SKOR2: variants seen among roughly 807,000 people sequenced by gnomAD.
SKOR2 encodes the protein SKI family transcriptional corepressor 2, also known as LBX1 corepressor 1-like protein.
SKOR2 carries 47 observed loss-of-function variants against 69.1 expected under a neutral mutation model. The observed-to-expected ratio is 0.68, with a 90% CI of 0.54 to 0.87. The LOEUF is 0.87. SKOR2 is among the 40% of genes least tolerant of loss of function. The pLI is 0.00. For missense variants in SKOR2, 1,404 were observed against 1,472.2 expected, an observed-to-expected ratio of 0.95 and a Z score of 0.76; for synonymous variants, 717 against 672.6, an observed-to-expected ratio of 1.07 and a Z score of -1.02.
intron 7 of SKOR2, among the ~76,000 whole-genome samples, chr18:47,215,915 A>G (rs1568083361): frequency 6.6e-6 from 1 of 152,220 alleles, no homozygotes; most frequent in East Asian, 1.9e-4. Flanking sequence ...ACAAATCTAC[A>G]GTAGTAGCTT....
At position 47,206,871 on chromosome 18, in the gene SKOR2, A is replaced by C. The variant is rs2064114762; in HGVS notation, c.*25T>G. On this transcript the variant is annotated 3_prime_UTR_variant, in exon 9 of 9. Transcript: ENST00000425639. Reference sequence around the variant, plus strand: ...GGCAGGCTGTATCTTACAAGAGAACAAGAGTAAGTAGTTCTGTGCACCTGG... The same window carrying C: ...GGCAGGCTGTATCTTACAAGAGAACCAGAGTAAGTAGTTCTGTGCACCTGG... The C allele has an allele frequency of 6.6e-6, 1 of 152,194 alleles. No homozygotes were observed. Among genetic ancestry groups the C allele is most frequent in the Non-Finnish European group, 1.5e-5 (1 of 68,046 alleles). The allele number at this position is 152,194 out of a possible 1,614,324, so 9.4% of individuals were successfully genotyped here. A position where few individuals can be genotyped will look rare whatever the true frequency, so the allele number is the denominator to read the frequency against.
intron 7 of SKOR2, among the ~76,000 whole-genome samples, chr18:47,216,124 A>G (rs1029777216): frequency 2.6e-5 from 4 of 152,256 alleles, no homozygotes; most frequent in African/African-American, 9.6e-5. Context: ...TTTGCTTTTA[A>G]AATTGAATAA....
chr18:47,244,859 C>G, intron 4 of SKOR2, 49 bp downstream of exon 4: 2 of 1,478,102 alleles, frequency 1.4e-6, no homozygotes, highest in Non-Finnish European at 9.1e-7. Flanking sequence ...ATTTCAGCCC[C>G]TCTCCCTGTC....
chr18:47,207,418 G>A (rs1016052523), intron 8 of SKOR2, among the ~76,000 whole-genome samples: 1 of 152,144 alleles, frequency 6.6e-6, no homozygotes, highest in Non-Finnish European at 1.5e-5. Context: ...TGCAGAGCCA[G>A]CCCCAGCCTG....
chr18:47,233,540 A>G (rs1192715500), intron 4 of SKOR2, among the ~76,000 whole-genome samples: 2 of 152,234 alleles, frequency 1.3e-5, no homozygotes, highest in Non-Finnish European at 2.9e-5. Flanking sequence ...TTGAATCTGA[A>G]CAAGAGAAGA....
intron 7 of SKOR2, among the ~76,000 whole-genome samples, chr18:47,218,397 C>T (rs1289121829): frequency 6.6e-6 from 1 of 151,766 alleles, no homozygotes; most frequent in Non-Finnish European, 1.5e-5. Context: ...TAAGACCACC[C>T]TGGGCAACAC....
chr18:47,249,848 A>C (rs1025067169), intron 1 of SKOR2, among the ~76,000 whole-genome samples: 26 of 152,164 alleles, frequency 1.7e-4, no homozygotes, highest in African/African-American at 6.3e-4. Context: ...AATTAGAATT[A>C]TTTTTTTGAA....
Position 47,247,161 on chromosome 18 carries a change from G to A in SKOR2, c.2023C>T (p.Pro675Ser), listed in dbSNP as rs2064280952. Residue 675 changes from proline (P) to serine (S), a missense_variant, in exon 2 of 9, where the codon CCG becomes TCG. Physicochemically the swap from Pro to Ser is moderately conservative, Grantham distance 74. This residue lies in a region of SKOR2 where 1,266 missense variants were observed against 1,309.9 expected (regional missense o/e 0.97). Coordinates refer to ENST00000425639, the MANE Select transcript of SKOR2 (RefSeq NM_001278063.4). This position sits in a 1 kb window ranked among gnomAD's most constrained non-coding sequence, Gnocchi z 6.6. Reference protein sequence around the residue: ...HHHHPPQPPSPLLLLPPQPDE... With the variant: ...HHHHPPQPPSSLLLLPPQPDE... ...GGCTGCGGGGGCAGCAGCAGAAGCG[G>A]CGACGGCGGCTGCGGGGGGTGGTGG... The A allele has an allele frequency of 3.9e-6, 5 of 1,284,964 alleles. No homozygotes were observed. Among genetic ancestry groups the A allele is most frequent in the Middle Eastern group, 3.0e-4 (1 of 3,370 alleles). The allele number at this position is 1,284,964 out of a possible 1,614,324, so 79.6% of individuals were successfully genotyped here. A position where few individuals can be genotyped will look rare whatever the true frequency, so the allele number is the denominator to read the frequency against.
intron 6 of SKOR2, among the ~76,000 whole-genome samples, chr18:47,223,325 T>C (rs777793641): frequency 6.6e-6 from 1 of 152,010 alleles, no homozygotes; most frequent in Non-Finnish European, 1.5e-5. Context: ...GGAAATAATA[T>C]GAAATACCAA....
At chr18:47,250,098 T>A (rs1411278574) in intron 1 of SKOR2, among the ~76,000 whole-genome samples, 3 of 152,224 alleles carry the variant, frequency 2.0e-5, no homozygotes, top group East Asian at 3.8e-4. Context: ...TGAACAATTC[T>A]TGGGGATCTT....
At chr18:47,230,356 G>T in intron 6 of SKOR2, 103 bp downstream of exon 6, 1 of 673,512 alleles carries the variant, frequency 1.5e-6, no homozygotes, top group Non-Finnish European at 2.2e-6. Context: ...AAGACTGTGT[G>T]TGTTTTGCAC....
At chr18:47,229,677 G>C (rs888175425) in intron 6 of SKOR2, among the ~76,000 whole-genome samples, 1 of 152,066 alleles carries the variant, frequency 6.6e-6, no homozygotes. Flanking sequence ...AAATAAGTTT[G>C]CATACTATTT....
rs184235854 is a variant in SKOR2 at position 47,241,450 on chromosome 18, T to G, written c.2752+3458A>C. ...CATTAATACCAAAACATAGGTCACT[T>G]GGGCCCCAGTCTGGGATTTTCTCAA... On this transcript the variant is annotated intron_variant, in intron 4 of 8. Transcript: ENST00000425639. Among the ~76,000 whole-genome samples, 32 of 152,238 alleles carry G rather than the reference T, an allele frequency of 2.1e-4. 1 individual carries two copies. The highest frequency in any genetic ancestry group is 2.1e-3 in the Admixed American group (32 of 15,288).
chr18:47,214,673 A>T (rs1038689572), intron 7 of SKOR2, among the ~76,000 whole-genome samples: 5 of 152,216 alleles, frequency 3.3e-5, no homozygotes, highest in Admixed American at 3.3e-4. Flanking sequence ...TTAGAATTAC[A>T]GTTGAAACCT....
At chr18:47,219,280 T>C (rs1382595679) in intron 7 of SKOR2, among the ~76,000 whole-genome samples, 1 of 152,170 alleles carries the variant, frequency 6.6e-6, no homozygotes, top group Non-Finnish European at 1.5e-5. Context: ...GGAGACTCCT[T>C]TAAAAGCCCT....
chr18:47,217,964 G>A (rs2064149369), intron 7 of SKOR2, among the ~76,000 whole-genome samples: 1 of 152,106 alleles, frequency 6.6e-6, no homozygotes, highest in Non-Finnish European at 1.5e-5. Flanking sequence ...AATACATGTT[G>A]TAAAATATTT....
chr18:47,224,317 G>A (rs1429581721), intron 6 of SKOR2, among the ~76,000 whole-genome samples: 1 of 152,142 alleles, frequency 6.6e-6, no homozygotes, highest in Non-Finnish European at 1.5e-5. Flanking sequence ...ACTATTTTTG[G>A]AAAATGATAA....
intron 6 of SKOR2, among the ~76,000 whole-genome samples, chr18:47,222,808 C>G (rs774839297): frequency 6.6e-6 from 1 of 152,210 alleles, no homozygotes; most frequent in South Asian, 2.1e-4. Flanking sequence ...GAGGAGGGAA[C>G]AGCTAAGGGC....
Position 47,234,434 on chromosome 18 carries a change from T to A in SKOR2, c.2753-3434A>T, listed in dbSNP as rs74253026. ...TTATCCCCTATATTTCCCTCACCCC[T>A]TTTGTTTTTAAATATGGACTGCTTC... On this transcript the variant is annotated intron_variant, in intron 4 of 8. Transcript: ENST00000425639. 3.9e-5 allele frequency: 6 copies of A among 152,334 alleles called. No individual in the cohort carries two copies. The East Asian group carries it at 1.2e-3, about 29-fold the overall frequency. 9.4% of individuals were successfully genotyped at this position (152,334 alleles called of 1,614,324 possible). A position where few individuals can be genotyped will look rare whatever the true frequency, so the allele number is the denominator to read the frequency against.
Sources: gnomAD v4.1 joint callset for allele counts (sites outside exome capture counted in the v4.1 genomes callset) on GRCh38, gnomAD v4.1.1 for gene constraint, gnomAD v4.1.1 regional missense constraint, Gnocchi (gnomAD v3.1) non-coding constraint, MANE v1.5 for transcripts, NCBI Gene and HGNC (gene_info 2026-07-23, HGNC 2026-07-21) for gene names.